SMC3: variants seen among roughly 807,000 people sequenced by gnomAD.
The protein encoded by SMC3 is structural maintenance of chromosomes 3, also known as structural maintenance of chromosomes protein 3.
Under a neutral mutation model 171.8 loss-of-function variants are expected in SMC3, and 20 were observed. The observed-to-expected ratio is 0.12, with a 90% CI of 0.08 to 0.17. SMC3 has a LOEUF of 0.17. Among genes scored for constraint, SMC3 ranks in the 10% least tolerant of loss-of-function variants. The pLI is 1.00. For missense variants in SMC3, 543 were observed against 1,420.4 expected, an observed-to-expected ratio of 0.38 and a Z score of 9.93; for synonymous variants, 464 against 451.1, an observed-to-expected ratio of 1.03 and a Z score of -0.36.
intron 19 of SMC3, among the ~76,000 whole-genome samples, chr10:110,597,628 A>G (rs916326144): frequency 6.6e-6 from 1 of 152,242 alleles, no homozygotes; most frequent in African/African-American, 2.4e-5. Context: ...GAATTTGGCA[A>G]GATGTTAACA....
chr10:110,583,655 T>C (rs929071126), intron 11 of SMC3, 107 bp downstream of exon 11: 1 of 1,295,192 alleles, frequency 7.7e-7, no homozygotes, highest in African/African-American at 1.5e-5. Context: ...TTTTTAAGCT[T>C]TGCTACGTTA....
In SMC3 at chr10:110,600,560, T is replaced by G. The variant is rs756350787; in HGVS notation, c.2535+14T>G. On this transcript the variant is annotated intron_variant, in intron 22 of 28. Transcript: ENST00000361804. Reference sequence around the variant, plus strand: ...CAAGTAGAACAGGTGTGTATGTGTTTTTTTTTTTTTTTTTAAGGGCTCCTT... The same window carrying G: ...CAAGTAGAACAGGTGTGTATGTGTTGTTTTTTTTTTTTTTAAGGGCTCCTT... The G allele has an allele frequency of 1.8e-5, 22 of 1,251,626 alleles. No homozygotes were observed. Among genetic ancestry groups the G allele is most frequent in the South Asian group, 3.8e-5 (3 of 78,038 alleles). 77.5% of individuals were successfully genotyped at this position (1,251,626 alleles called of 1,614,324 possible). A position where few individuals can be genotyped will look rare whatever the true frequency, so the allele number is the denominator to read the frequency against.
rs111940010 is a variant in SMC3, at chr10:110,569,234, CTAGG to C, written c.91+225_91+228del. On this transcript the variant is annotated intron_variant, in intron 2 of 28. Transcript: ENST00000361804. ...CACTCATAAGTTATCCATTTTTTAT[CTAGG>C]TAGCCTTGTATGTGTGTGTAAGAGT... 0.11 allele frequency among the ~76,000 whole-genome samples: 16,851 copies of C among 152,082 alleles called. 1,824 individuals are homozygous for C. The highest frequency in any genetic ancestry group is 0.28 in the African/African-American group (11,695 of 41,422).
rs1357162209 is a variant in SMC3 at position 110,567,729 on chromosome 10, A to G, written c.-88A>G. The stretch of plus-strand genomic sequence containing the variant: ...AGGGGAGCGAGCGGCGCTTTGGGGG[A>G]GGGGTCGCGTAGGCGCCTCACCTGA... On this transcript the variant is annotated 5_prime_UTR_variant, in exon 1 of 29. Transcript: ENST00000361804. 2.0e-6 allele frequency: 3 copies of G among 1,504,618 alleles called. No homozygotes were observed. The highest frequency in any genetic ancestry group is 2.8e-6 in the Non-Finnish European group (3 of 1,085,604). The allele number at this position is 1,504,618 out of a possible 1,614,324, so 93.2% of individuals were successfully genotyped here. A position where few individuals can be genotyped will look rare whatever the true frequency, so the allele number is the denominator to read the frequency against.
At position 110,569,032 on chromosome 10, in the gene SMC3, C is replaced by T; in HGVS notation, c.91+19C>T. On this transcript the variant is annotated intron_variant, in intron 2 of 28. Transcript: ENST00000361804. ...GTGATTGGTAAGTGTTCTTGGTTTA[C>T]TCGGTCATATTTATAGTCTATACAG... 6.8e-7 allele frequency: 1 copy of T among 1,477,206 alleles called. No homozygotes were observed. Among genetic ancestry groups the T allele is most frequent in the Non-Finnish European group, 9.5e-7 (1 of 1,055,422 alleles). The allele number at this position is 1,477,206 out of a possible 1,614,324, so 91.5% of individuals were successfully genotyped here.
At chr10:110,599,927 AG>A in intron 21 of SMC3, 115 bp downstream of exon 21, 1 of 1,013,842 alleles carries the variant, frequency 9.9e-7, no homozygotes, top group Non-Finnish European at 1.5e-6. Flanking sequence ...TATTAAAATG[AG>A]GCTTGGACTT....
chr10:110,582,130 G>C (rs1036213850), intron 9 of SMC3, 32 bp downstream of exon 9: 14 of 1,568,242 alleles, frequency 8.9e-6, no homozygotes, highest in East Asian at 2.2e-5. Context: ...CTTAAAATCA[G>C]ATTAATTTTG....
intron 24 of SMC3, 32 bp from the exon 25 acceptor site, chr10:110,601,934 T>G (rs1218712942): frequency 1.2e-6 from 2 of 1,606,324 alleles, no homozygotes; most frequent in South Asian, 2.2e-5. Flanking sequence ...TATATAAATT[T>G]ATTTATATGA....
intron 18 of SMC3, among the ~76,000 whole-genome samples, chr10:110,593,912 T>A (rs1260074514): frequency 6.6e-6 from 1 of 151,898 alleles, no homozygotes; most frequent in Non-Finnish European, 1.5e-5. Flanking sequence ...GGCTTAAACC[T>A]GGGAGGCAGA....
chr10:110,573,855 CT>C, intron 3 of SMC3, 110 bp downstream of exon 3: 1 of 793,780 alleles, frequency 1.3e-6, no homozygotes, highest in Non-Finnish European at 2.2e-6. Flanking sequence ...CCAAGAAATA[CT>C]TTATATGGGG....
intron 5 of SMC3, 131 bp from the exon 6 acceptor site, chr10:110,577,704 A>G (rs1401169237): frequency 4.2e-6 from 3 of 712,584 alleles, no homozygotes; most frequent in Non-Finnish European, 7.1e-6. Context: ...GAGTATTTGT[A>G]GTATTATTTT....
chr10:110,579,921 T>G (rs1861007230), intron 7 of SMC3, among the ~76,000 whole-genome samples: 1 of 152,202 alleles, frequency 6.6e-6, no homozygotes, highest in Admixed American at 6.5e-5. Flanking sequence ...GCATGGCACT[T>G]AAGTTGTACC....
Position 110,583,509 on chromosome 10 carries a change from G to A in SMC3, c.930G>A (p.Lys310=). The A allele has an allele frequency of 6.2e-7, 1 of 1,614,064 alleles. No individual in the cohort carries two copies. Among genetic ancestry groups the A allele is most frequent in the Non-Finnish European group, 8.5e-7 (1 of 1,179,974 alleles). Residue 310 remains lysine (K), a synonymous_variant, in exon 11 of 29, where the codon AAG becomes AAA. Coordinates refer to ENST00000361804, the MANE Select transcript of SMC3 (RefSeq NM_005445.4). ...GGACTAAGTTGGAGCTTAAAGCCAA[G>A]GATTTACAAGATGAACTAGCAGGCA... The part of the protein sequence containing the change: ...KQRTKLELKA[K]DLQDELAGNS...
rs997504817 is a variant in SMC3, at chr10:110,599,657, C to T, written c.2272C>T (p.Arg758Cys). 6.2e-7 allele frequency: 1 copy of T among 1,613,332 alleles called. No individual in the cohort carries two copies. Residue 758 changes from arginine to cysteine, a missense_variant, in exon 21 of 29, where the codon CGT becomes TGT. Arg to Cys is a radical substitution (Grantham distance 180, BLOSUM62 -3). Around this residue, in one of 8 missense-constraint regions of SMC3, gnomAD observed 218 missense variants for 509.6 expected, o/e 0.43. Transcript: ENST00000361804. The stretch of plus-strand genomic sequence containing the variant: ...ATAAATGGATAATGTCATATAGCAA[C>T]GTAGCTTACAGAGTTTGGAGGCAAG... ...QSEKTFMPKQ[R>C]SLQSLEASLH...
intron 8 of SMC3, 141 bp from the exon 9 acceptor site, chr10:110,581,782 A>G (rs2134724451): frequency 6.9e-6 from 6 of 866,688 alleles, no homozygotes; most frequent in Non-Finnish European, 7.1e-6. Flanking sequence ...CTATTTTAGT[A>G]TTTTAAATTG....
rs1861455699 is a variant in SMC3, at chr10:110,605,562, A to G, written c.*1260A>G. On this transcript the variant is annotated 3_prime_UTR_variant, in exon 29 of 29. Transcript: ENST00000361804. The stretch of plus-strand genomic sequence containing the variant: ...AATAAAGAAATAGTAATGGGACTTT[A>G]AATTGAATTTAAAAATGTGAGTTTA... Among the ~76,000 whole-genome samples, 1 of 152,212 alleles carries G rather than the reference A, an allele frequency of 6.6e-6. No individual in the cohort carries two copies. The highest frequency in any genetic ancestry group is 1.5e-5 in the Non-Finnish European group (1 of 68,024).
intron 13 of SMC3, among the ~76,000 whole-genome samples, chr10:110,585,258 G>A (rs1474282222): frequency 2.0e-5 from 3 of 151,766 alleles, no homozygotes; most frequent in Non-Finnish European, 4.4e-5. Flanking sequence ...GGGGTTACAG[G>A]CGTGAGCCAC....
chr10:110,595,372 TTCC>T (rs557834488), intron 18 of SMC3, among the ~76,000 whole-genome samples: 82 of 152,328 alleles, frequency 5.4e-4, no homozygotes, highest in East Asian at 1.7e-3. Context: ...GTCTTATTGC[TTCC>T]TCATCATTGT....
chr10:110,603,148 AAAG>A (rs1451097253), intron 27 of SMC3, 33 bp from the exon 28 acceptor site: 2 of 1,561,786 alleles, frequency 1.3e-6, no homozygotes, highest in Non-Finnish European at 8.8e-7. Flanking sequence ...GATCTGCTGA[AAAG>A]AAATTTGTTA....
Sources: gnomAD v4.1 joint callset for allele counts (sites outside exome capture counted in the v4.1 genomes callset) on GRCh38, gnomAD v4.1.1 for gene constraint, gnomAD v4.1.1 regional missense constraint, MANE v1.5 for transcripts, NCBI Gene and HGNC (gene_info 2026-07-23, HGNC 2026-07-21) for gene names.